The following FHIP1A variants were observed in gnomAD, a reference collection of about 807,000 sequenced individuals.
The protein encoded by FHIP1A is FHF complex subunit HOOK-interacting protein 1A.
In FHIP1A, 61 loss-of-function variants were observed where a neutral mutation model predicts 88.6. That is an observed-to-expected ratio of 0.69 (90% confidence interval 0.56 to 0.85). FHIP1A has a LOEUF of 0.85. FHIP1A is among the 40% of genes least tolerant of loss of function. The pLI is 0.00. For missense variants in FHIP1A, 1,154 were observed against 1,273.5 expected (o/e 0.91, Z 1.43); for synonymous variants, 478 against 496.0 (o/e 0.96, Z 0.48).
intron 3 of FHIP1A, among the ~76,000 whole-genome samples, chr4:151,487,165 T>C (rs530020544): frequency 1.3e-5 from 2 of 152,298 alleles, no homozygotes; most frequent in African/African-American, 2.4e-5. Flanking sequence ...TGTATCTTTT[T>C]GTCCCTGCCC....
chr4:151,504,658 G>C (rs113095401), intron 3 of FHIP1A, among the ~76,000 whole-genome samples: 1 of 151,966 alleles, frequency 6.6e-6, no homozygotes, highest in Non-Finnish European at 1.5e-5. Context: ...GTCTTGTTCT[G>C]TCGCCCAGGC....
chr4:151,451,462 G>A lies in FHIP1A; in HGVS notation c.-355-3239G>A, dbSNP rs1728784486. ...GGAATGCTGAGACATTTTAAATACA[G>A]TTCTACATGAAAGATAGAATCTAAT... On this transcript the variant is annotated intron_variant, in intron 1 of 13. Transcript: ENST00000435205. 2.6e-5 allele frequency among the ~76,000 whole-genome samples: 4 copies of A among 152,106 alleles called. No individual in the cohort carries two copies. In the South Asian group the frequency reaches 8.3e-4, roughly 32 times the overall value.
intron 1 of FHIP1A, among the ~76,000 whole-genome samples, chr4:151,453,840 G>A (rs1728878589): frequency 6.6e-6 from 1 of 152,010 alleles, no homozygotes. Flanking sequence ...TTGCACTTTA[G>A]CCAGGGCAAC....
chr4:151,440,777 G>T (rs1471851796), intron 1 of FHIP1A, among the ~76,000 whole-genome samples: 2 of 152,044 alleles, frequency 1.3e-5, no homozygotes, highest in South Asian at 2.1e-4. Flanking sequence ...GCTTCTGTTG[G>T]GTATGCCTGA....
chr4:151,553,055 C>G (rs1279711452), intron 3 of FHIP1A, among the ~76,000 whole-genome samples: 2 of 152,194 alleles, frequency 1.3e-5, no homozygotes, highest in East Asian at 3.9e-4. Flanking sequence ...ATTGCACATA[C>G]AGGAATGTGC....
At chr4:151,604,685 C>T (rs1224805580) in intron 7 of FHIP1A, among the ~76,000 whole-genome samples, 1 of 151,866 alleles carries the variant, frequency 6.6e-6, no homozygotes, top group Non-Finnish European at 1.5e-5. Context: ...CTTGTCTCTA[C>T]TAAAGATACA....
intron 3 of FHIP1A, among the ~76,000 whole-genome samples, chr4:151,522,990 A>G (rs530649652): frequency 2.1e-3 from 327 of 152,320 alleles, no homozygotes; most frequent in Middle Eastern, 0.014. Flanking sequence ...GCTAATGAAC[A>G]TGATCATTTA....
intron 7 of FHIP1A, among the ~76,000 whole-genome samples, chr4:151,602,253 T>A (rs1257158283): frequency 6.6e-6 from 1 of 152,186 alleles, no homozygotes; most frequent in East Asian, 1.9e-4. Context: ...AATCATATAC[T>A]GTTATATGCA....
At chr4:151,562,409 T>C (rs1253589351) in intron 3 of FHIP1A, among the ~76,000 whole-genome samples, 1 of 152,202 alleles carries the variant, frequency 6.6e-6, no homozygotes, top group African/African-American at 2.4e-5. Context: ...CCTGTGTTCT[T>C]GATCTCACCT....
At chr4:151,463,735 T>C (rs1267495959) in intron 2 of FHIP1A, among the ~76,000 whole-genome samples, 2 of 152,214 alleles carry the variant, frequency 1.3e-5, no homozygotes, top group Admixed American at 1.3e-4. Context: ...CTGATGACAA[T>C]ACCGAGCATG....
At position 151,452,912 on chromosome 4, in the gene FHIP1A, T is replaced by C. The variant is rs545194990; in HGVS notation, c.-355-1789T>C. 4.4e-4 allele frequency among the ~76,000 whole-genome samples: 66 copies of C among 151,026 alleles called. No homozygotes were observed. The South Asian group carries it at 0.014, about 31-fold the overall frequency. ...ATATTTATTTCTAGTATTTACCTTT[T>C]CCTATGTCTGCAGACATTGAAACGT... is the stretch of plus-strand genomic sequence containing the variant. On this transcript the variant is annotated intron_variant, in intron 1 of 13. Coordinates refer to ENST00000435205, the MANE Select transcript of FHIP1A (RefSeq NM_001109977.3).
chr4:151,664,419 T>C lies in FHIP1A; in HGVS notation c.*1665T>C, dbSNP rs1737588662. ...GCCTGTGAAATGACAACAGGAGACC[T>C]GGCCTGGGCAGGGTGAGCTGTTAGG... On this transcript the variant is annotated 3_prime_UTR_variant, in exon 14 of 14. Transcript: ENST00000435205. 1.3e-5 allele frequency among the ~76,000 whole-genome samples: 2 copies of C among 152,260 alleles called. No homozygotes were observed. Among genetic ancestry groups the C allele is most frequent in the Admixed American group, 1.3e-4 (2 of 15,286 alleles).
chr4:151,649,481 C>T lies in FHIP1A; in HGVS notation c.1440C>T (p.Pro480=), dbSNP rs745351760. 51 of 1,550,078 alleles carry T rather than the reference C, an allele frequency of 3.3e-5. No homozygotes were observed. The highest frequency in any genetic ancestry group is 2.5e-4 in the South Asian group (21 of 83,692). The change falls in exon 11 of 14, where the codon CCC becomes CCT. Residue 480 remains proline (P), a synonymous_variant. Transcript: ENST00000435205. ...DTSGPVERPF[P]EAFSESACIV... is the part of the protein sequence containing the mutation. ...CAGGGCCTGTGGAGCGGCCATTCCC[C>T]GAAGCGTTCTCCGAGTCAGCCTGCA...
chr4:151,525,330 T>G (rs944190190), intron 3 of FHIP1A, among the ~76,000 whole-genome samples: 1 of 152,250 alleles, frequency 6.6e-6, no homozygotes, highest in African/African-American at 2.4e-5. Context: ...ATGTCTCAGT[T>G]ATTGAAGCAA....
At chr4:151,412,648 C>T (rs1344088047) in intron 1 of FHIP1A, among the ~76,000 whole-genome samples, 1 of 128,194 alleles carries the variant, frequency 7.8e-6, no homozygotes, top group Non-Finnish European at 1.6e-5. Flanking sequence ...CCCTCCCTGC[C>T]TCCCTTCTTT....
intron 7 of FHIP1A, among the ~76,000 whole-genome samples, chr4:151,597,081 G>A (rs1490584563): frequency 6.6e-6 from 1 of 152,170 alleles, no homozygotes; most frequent in Non-Finnish European, 1.5e-5. Flanking sequence ...GCGAGGTGTT[G>A]TGATCCTTTG....
At chr4:151,419,274 C>T (rs189231329) in intron 1 of FHIP1A, among the ~76,000 whole-genome samples, 1 of 152,328 alleles carries the variant, frequency 6.6e-6, no homozygotes, top group African/African-American at 2.4e-5. Context: ...CTCTGTTTGA[C>T]TGTTTTCAAC....
chr4:151,653,506 T>TA (rs1369069099), intron 11 of FHIP1A, among the ~76,000 whole-genome samples: 2 of 152,166 alleles, frequency 1.3e-5, no homozygotes, highest in African/African-American at 4.8e-5. Context: ...GCCTCCTCTT[T>TA]AAATGGGGAT....
chr4:151,436,249 A>C (rs778821309), intron 1 of FHIP1A, among the ~76,000 whole-genome samples: 1 of 152,150 alleles, frequency 6.6e-6, no homozygotes, highest in African/African-American at 2.4e-5. Flanking sequence ...AGCACTGTTC[A>C]TTGTAAAACA....
Sources: allele counts gnomAD v4.1 joint callset (sites outside exome capture counted in the v4.1 genomes callset), GRCh38; gene constraint gnomAD v4.1.1; transcripts MANE v1.5; gene names NCBI Gene and HGNC (gene_info 2026-07-23, HGNC 2026-07-21).